Variants in GALNTL6 observed in about 807,000 individuals in gnomAD.
GALNTL6 encodes the protein polypeptide N-acetylgalactosaminyltransferase-like 6.
In GALNTL6, 46 loss-of-function variants were observed where a neutral mutation model predicts 73.7. The observed-to-expected ratio is 0.62, with a 90% CI of 0.49 to 0.80. GALNTL6 has a LOEUF of 0.80. GALNTL6 is among the 30% of genes least tolerant of loss of function. GALNTL6 has a pLI of 0.00. For missense variants in GALNTL6, 604 were observed against 755.0 expected (o/e 0.80, Z 2.34); for synonymous variants, 259 against 263.7 (o/e 0.98, Z 0.17).
intron 5 of GALNTL6, among the ~76,000 whole-genome samples, chr4:172,653,204 T>C (rs1022820087): frequency 2.2e-5 from 3 of 137,646 alleles, no homozygotes; most frequent in African/African-American, 8.2e-5. Context: ...CACTTTGTTA[T>C]CTTTCTATTT....
At chr4:172,746,347 T>C (rs933573669) in intron 5 of GALNTL6, among the ~76,000 whole-genome samples, 5 of 152,076 alleles carry the variant, frequency 3.3e-5, no homozygotes, top group Non-Finnish European at 5.9e-5. Flanking sequence ...TTATTATTTG[T>C]CATCATCATT....
At chr4:172,944,285 G>A (rs1005218844) in intron 9 of GALNTL6, among the ~76,000 whole-genome samples, 1 of 152,096 alleles carries the variant, frequency 6.6e-6, no homozygotes, top group South Asian at 2.1e-4. Flanking sequence ...TAAGTAAAAC[G>A]GCCCAATTTT....
rs146093481 is a variant in GALNTL6 at position 172,063,701 on chromosome 4, C to T, written c.139-165955C>T. Among the ~76,000 whole-genome samples the T allele has an allele frequency of 6.7e-4, 102 of 152,232 alleles. No individual in the cohort carries two copies. The East Asian group carries it at 0.019, about 28-fold the overall frequency. ...CAATCCATAAAGCCCTTTAGTGTCTCTCCTGGGTGGTAAAAATGCAGTTGT... is the reference window on the plus strand; with the variant it reads ...CAATCCATAAAGCCCTTTAGTGTCTTTCCTGGGTGGTAAAAATGCAGTTGT... On this transcript the variant is annotated intron_variant, in intron 2 of 12. Coordinates refer to ENST00000506823, the MANE Select transcript of GALNTL6 (RefSeq NM_001034845.3).
At chr4:171,991,728 GTGTATATATATA>G (rs754862176) in intron 2 of GALNTL6, among the ~76,000 whole-genome samples, 39 of 126,254 alleles carry the variant, frequency 3.1e-4, no homozygotes, top group African/African-American at 8.9e-4. Flanking sequence ...GTGTGTGTGT[GTGTATATATATA>G]TATATATATA....
chr4:172,306,810 T>C (rs1298430622), intron 3 of GALNTL6, among the ~76,000 whole-genome samples: 2 of 152,256 alleles, frequency 1.3e-5, no homozygotes, highest in African/African-American at 4.8e-5. Flanking sequence ...TTTTTTTGGC[T>C]GAGTAGTATT....
intron 5 of GALNTL6, among the ~76,000 whole-genome samples, chr4:172,573,265 GA>G (rs747991349): frequency 2.0e-5 from 3 of 152,108 alleles, no homozygotes; most frequent in Non-Finnish European, 2.9e-5. Context: ...ATGTACTGGT[GA>G]AATAACCATG....
In GALNTL6 at chr4:172,177,791, A is replaced by ATATATATACACACACATATATATGTGTG. The variant is rs1735075679; in HGVS notation, c.139-51844_139-51843insATGTGTGTATATATACACACACATATAT. Among the ~76,000 whole-genome samples the ATATATATACACACACATATATATGTGTG allele has an allele frequency of 1.9e-4, 19 of 101,790 alleles. 1 individual carries two copies. The highest frequency in any genetic ancestry group is 4.0e-4 in the South Asian group (1 of 2,522). The allele number at this position is 101,790 out of a possible 152,430, so 66.8% of individuals were successfully genotyped here. On this transcript the variant is annotated intron_variant, in intron 2 of 12. Coordinates refer to ENST00000506823, the MANE Select transcript of GALNTL6 (RefSeq NM_001034845.3). Reference sequence around the variant, plus strand: ...TATGTACACATATATACACATGTGTATATATATACACACACATATATGTGT... The same window carrying ATATATATACACACACATATATATGTGTG: ...TATGTACACATATATACACATGTGTATATATATACACACACATATATATGTGTGTATATATACACACACATATATGTGT...
intron 8 of GALNTL6, among the ~76,000 whole-genome samples, chr4:172,923,269 G>T (rs1158493053): frequency 6.6e-6 from 1 of 152,164 alleles, no homozygotes; most frequent in Non-Finnish European, 1.5e-5. Context: ...GCAAGAAGGA[G>T]CAAGTCACAT....
chr4:172,155,457 G>GA (rs1734226096), intron 2 of GALNTL6, among the ~76,000 whole-genome samples: 1 of 151,966 alleles, frequency 6.6e-6, no homozygotes, highest in Non-Finnish European at 1.5e-5. Context: ...AACTGACTGT[G>GA]AAAAAAACAT....
intron 5 of GALNTL6, among the ~76,000 whole-genome samples, chr4:172,572,061 A>G (rs575653868): frequency 6.6e-6 from 1 of 152,272 alleles, no homozygotes; most frequent in East Asian, 1.9e-4. Flanking sequence ...ATCTCCCCAG[A>G]CTGAAATGAT....
chr4:172,236,588 T>C (rs1737251069), intron 3 of GALNTL6, among the ~76,000 whole-genome samples: 1 of 151,392 alleles, frequency 6.6e-6, no homozygotes, highest in Non-Finnish European at 1.5e-5. Flanking sequence ...ATTAGCATGA[T>C]AGGCAGCATG....
intron 4 of GALNTL6, among the ~76,000 whole-genome samples, chr4:172,330,351 G>T (rs1402688996): frequency 6.6e-6 from 1 of 152,180 alleles, no homozygotes; most frequent in Non-Finnish European, 1.5e-5. Context: ...CTGGGGAGGT[G>T]TGGGTCCCCG....
chr4:172,648,259 C>T (rs1248480764), intron 5 of GALNTL6, among the ~76,000 whole-genome samples: 1 of 152,054 alleles, frequency 6.6e-6, no homozygotes, highest in Non-Finnish European at 1.5e-5. Context: ...ACTCATTGGC[C>T]AGGCTTCAGA....
At chr4:171,972,443 C>A (rs1458178787) in intron 2 of GALNTL6, among the ~76,000 whole-genome samples, 1 of 151,848 alleles carries the variant, frequency 6.6e-6, no homozygotes, top group Admixed American at 6.6e-5. Context: ...TAGCTTTGTA[C>A]TGAGTTGTCT....
chr4:172,035,273 A>T (rs1207685949), intron 2 of GALNTL6, among the ~76,000 whole-genome samples: 1 of 152,148 alleles, frequency 6.6e-6, no homozygotes, highest in Non-Finnish European at 1.5e-5. Context: ...ATCACTAAGC[A>T]TGAAGAAAAA....
intron 4 of GALNTL6, among the ~76,000 whole-genome samples, chr4:172,318,503 C>T (rs334164): frequency 3.4e-4 from 51 of 152,064 alleles, no homozygotes; most frequent in African/African-American, 1.2e-3. Context: ...GGGTTCGAGA[C>T]CAGCCTGGCC....
intron 7 of GALNTL6, among the ~76,000 whole-genome samples, chr4:172,822,774 C>T (rs188760194): frequency 9.9e-5 from 15 of 152,222 alleles, no homozygotes; most frequent in East Asian, 5.8e-4. Context: ...GACTGTTTTT[C>T]GTAGGGGTTT....
At chr4:172,884,291 T>A (rs566907655) in intron 8 of GALNTL6, among the ~76,000 whole-genome samples, 118 of 152,344 alleles carry the variant, frequency 7.7e-4, no homozygotes, top group South Asian at 1.7e-3. Flanking sequence ...TTAAATTTTT[T>A]GTCTTTGAGA....
chr4:172,478,688 AAAAT>A (rs1409349169), intron 5 of GALNTL6, among the ~76,000 whole-genome samples: 2 of 152,230 alleles, frequency 1.3e-5, no homozygotes, highest in Non-Finnish European at 2.9e-5. Context: ...TCCGCACAGC[AAAAT>A]AAATAATCAA....
Sources: gnomAD v4.1 joint callset for allele counts (sites outside exome capture counted in the v4.1 genomes callset) on GRCh38, gnomAD v4.1.1 for gene constraint, MANE v1.5 for transcripts, NCBI Gene and HGNC (gene_info 2026-07-23, HGNC 2026-07-21) for gene names.